Variants in RGS7 observed in about 807,000 individuals in gnomAD.
The protein encoded by RGS7 is regulator of G-protein signaling 7.
A neutral mutation model predicts 81.1 loss-of-function variants in RGS7; 27 were observed. That is an observed-to-expected ratio of 0.33 (90% CI 0.25 to 0.46). The LOEUF is 0.46. RGS7 is among the 20% of genes least tolerant of loss of function. The pLI, the probability that RGS7 is intolerant of heterozygous loss-of-function variation, is 1.00. For missense variants in RGS7, 396 were observed against 607.4 expected (o/e 0.65, Z 3.66); for synonymous variants, 208 against 207.7 (o/e 1.00, Z -0.01).
intron 2 of RGS7, among the ~76,000 whole-genome samples, chr1:241,287,273 T>G (rs889841606): frequency 1.3e-5 from 2 of 152,232 alleles, no homozygotes; most frequent in African/African-American, 4.8e-5. Context: ...AAATCTCATC[T>G]TGAATTGTAG....
At chr1:241,127,877 A>C (rs1199021059) in intron 2 of RGS7, among the ~76,000 whole-genome samples, 1 of 152,220 alleles carries the variant, frequency 6.6e-6, no homozygotes, top group Non-Finnish European at 1.5e-5. Context: ...AGAGGATGAT[A>C]AATTTCAACC....
intron 2 of RGS7, among the ~76,000 whole-genome samples, chr1:241,231,563 T>G (rs113940386): frequency 0.015 from 2,256 of 152,294 alleles, 15 homozygotes; most frequent in Middle Eastern, 0.068. Context: ...TTTGCCATGT[T>G]GGGCAGGCTG....
At chr1:241,143,723 C>G (rs2068093627) in intron 2 of RGS7, among the ~76,000 whole-genome samples, 1 of 152,166 alleles carries the variant, frequency 6.6e-6, no homozygotes, top group Non-Finnish European at 1.5e-5. Context: ...TGAAATACTA[C>G]CACTGCTATG....
chr1:240,989,424 G>A (rs2148583516), intron 3 of RGS7, among the ~76,000 whole-genome samples: 1 of 151,398 alleles, frequency 6.6e-6, no homozygotes, highest in South Asian at 2.1e-4. Context: ...GACAGAGTGA[G>A]ACACTGTCTC....
chr1:241,120,638 G>A (rs995534784), intron 2 of RGS7, among the ~76,000 whole-genome samples: 3 of 152,226 alleles, frequency 2.0e-5, no homozygotes, highest in Non-Finnish European at 4.4e-5. Context: ...GAGCCACCGC[G>A]CCTGGCCTAA....
chr1:240,948,740 G>C (rs1431920455), intron 4 of RGS7, among the ~76,000 whole-genome samples: 1 of 151,928 alleles, frequency 6.6e-6, no homozygotes, highest in African/African-American at 2.4e-5. Context: ...ACCATGCCCA[G>C]GCTATGTATG....
chr1:241,314,991 C>A (rs187370082), intron 2 of RGS7, among the ~76,000 whole-genome samples: 2 of 151,396 alleles, frequency 1.3e-5, no homozygotes, highest in South Asian at 2.1e-4. Flanking sequence ...AAGTTAGAGC[C>A]CGGGGAACTT....
At chr1:240,954,720 T>G (rs768987363) in intron 4 of RGS7, among the ~76,000 whole-genome samples, 1 of 152,158 alleles carries the variant, frequency 6.6e-6, no homozygotes, top group African/African-American at 2.4e-5. Flanking sequence ...CACACTTCAT[T>G]TCAACATTGT....
intron 6 of RGS7, among the ~76,000 whole-genome samples, chr1:240,874,458 G>A (rs1010461001): frequency 1.8e-4 from 28 of 151,902 alleles, no homozygotes; most frequent in Admixed American, 3.3e-4. Context: ...ATTTTTCATT[G>A]GAATAGAACT....
chr1:241,258,430 G>A (rs538458532), intron 2 of RGS7, among the ~76,000 whole-genome samples: 2 of 152,280 alleles, frequency 1.3e-5, no homozygotes, highest in African/African-American at 4.8e-5. Flanking sequence ...AATGTTTAAA[G>A]CTACTGGTGA....
intron 4 of RGS7, among the ~76,000 whole-genome samples, chr1:240,975,739 A>G (rs1342512533): frequency 1.3e-5 from 2 of 152,270 alleles, no homozygotes; most frequent in Non-Finnish European, 2.9e-5. Flanking sequence ...TTAGTCATAA[A>G]GCATGTTTAC....
intron 2 of RGS7, among the ~76,000 whole-genome samples, chr1:241,157,923 T>C (rs2069310642): frequency 6.7e-6 from 1 of 148,846 alleles, no homozygotes; most frequent in Admixed American, 6.8e-5. Flanking sequence ...GTCACGCCAT[T>C]CTCCTGCCTC....
intron 9 of RGS7, among the ~76,000 whole-genome samples, chr1:240,846,736 C>G (rs1659155430): frequency 2.0e-5 from 3 of 152,140 alleles, no homozygotes; most frequent in Non-Finnish European, 2.9e-5. Context: ...AGATGACATA[C>G]CACTTATGAG....
intron 2 of RGS7, among the ~76,000 whole-genome samples, chr1:241,169,720 G>C (rs905056367): frequency 6.6e-6 from 1 of 152,132 alleles, no homozygotes; most frequent in Non-Finnish European, 1.5e-5. Context: ...AGTATAAGAT[G>C]AGGTCATTTC....
intron 2 of RGS7, among the ~76,000 whole-genome samples, chr1:241,138,329 G>T (rs1457574819): frequency 6.6e-6 from 1 of 152,168 alleles, no homozygotes; most frequent in Non-Finnish European, 1.5e-5. Flanking sequence ...AAAATTGTGG[G>T]GGGATCTTCA....
rs1553273494 is a variant in RGS7 at position 241,165,797 on chromosome 1, A to AAT, written c.79-67036_79-67035insAT. ...AAGTATAATAATAATAAAAAAAAAAAAAAACCAGCCCTGAAAAAAAAAAAG... is the reference window on the plus strand; with the variant it reads ...AAGTATAATAATAATAAAAAAAAAAAATAAAACCAGCCCTGAAAAAAAAAAAG... On this transcript the variant is annotated intron_variant, in intron 2 of 18. Coordinates refer to ENST00000440928, the MANE Select transcript of RGS7 (RefSeq NM_001364886.1). 4.0e-5 allele frequency among the ~76,000 whole-genome samples: 6 copies of AAT among 148,338 alleles called. No individual in the cohort carries two copies. The East Asian group carries it at 8.0e-4, about 20-fold the overall frequency.
intron 2 of RGS7, among the ~76,000 whole-genome samples, chr1:241,194,684 T>C (rs758104636): frequency 1.3e-5 from 2 of 152,188 alleles, no homozygotes; most frequent in Non-Finnish European, 2.9e-5. Flanking sequence ...AAAATAACTA[T>C]AAAGGCTGAA....
intron 2 of RGS7, among the ~76,000 whole-genome samples, chr1:241,340,683 G>T (rs756495261): frequency 2.0e-5 from 3 of 151,818 alleles, no homozygotes; most frequent in Admixed American, 6.6e-5. Context: ...GAAAACTAAG[G>T]ATGGAAAGAT....
intron 2 of RGS7, among the ~76,000 whole-genome samples, chr1:241,161,728 T>C (rs893017427): frequency 6.7e-6 from 1 of 149,866 alleles, no homozygotes; most frequent in Non-Finnish European, 1.5e-5. Flanking sequence ...GCTTTTTTTT[T>C]TTTTTTTGAG....
Sources: allele counts gnomAD v4.1 joint callset (sites outside exome capture counted in the v4.1 genomes callset), GRCh38; gene constraint gnomAD v4.1.1; transcripts MANE v1.5; gene names NCBI Gene and HGNC (gene_info 2026-07-23, HGNC 2026-07-21).